Variants in KCNMA1 observed in about 807,000 individuals in gnomAD.
KCNMA1 encodes potassium calcium-activated channel subfamily M alpha 1, also known as Calcium-activated potassium channel subunit alpha-1.
A neutral mutation model predicts 140.0 loss-of-function variants in KCNMA1; 29 were observed. That is an observed-to-expected ratio of 0.21 (90% CI 0.15 to 0.28). The LOEUF (loss-of-function observed/expected upper bound fraction) is 0.28, where lower values mean the gene tolerates loss of function less well. KCNMA1 is among the 10% of genes least tolerant of loss of function. The pLI, the probability that KCNMA1 is intolerant of heterozygous loss-of-function variation, is 1.00. For missense variants in KCNMA1, 880 were observed against 1,602.2 expected (o/e 0.55, Z 7.70); for synonymous variants, 612 against 611.9 (o/e 1.00, Z 0.00).
At chr10:76,995,350 A>G (rs2083936194) in intron 19 of KCNMA1, 2 of 318,328 alleles carry the variant, frequency 6.3e-6, no homozygotes, top group Admixed American at 4.3e-5. Context: ...CCAGACCCAT[A>G]AAGCCTAAGG....
intron 3 of KCNMA1, among the ~76,000 whole-genome samples, chr10:77,205,687 A>C (rs1364193291): frequency 6.6e-6 from 1 of 152,204 alleles, no homozygotes; most frequent in African/African-American, 2.4e-5. Flanking sequence ...CATCTGAACC[A>C]AGTATTTAAA....
At chr10:77,478,102 G>C (rs2098314479) in intron 1 of KCNMA1, among the ~76,000 whole-genome samples, 1 of 152,106 alleles carries the variant, frequency 6.6e-6, no homozygotes, top group Non-Finnish European at 1.5e-5. Flanking sequence ...TGCATTCTCT[G>C]AGTTTATTAT....
intron 1 of KCNMA1, among the ~76,000 whole-genome samples, chr10:77,618,178 G>A (rs2090217933): frequency 6.6e-6 from 1 of 152,064 alleles, no homozygotes; most frequent in Non-Finnish European, 1.5e-5. Context: ...AAGGAGCCGG[G>A]GTCTTTAATG....
intron 1 of KCNMA1, among the ~76,000 whole-genome samples, chr10:77,606,673 G>T (rs7912978): frequency 6.6e-6 from 1 of 152,054 alleles, no homozygotes; most frequent in Admixed American, 6.5e-5. Flanking sequence ...GGCAGTGCCC[G>T]TCTTCCTAAG....
chr10:77,396,484 C>T (rs1334660141), intron 2 of KCNMA1, among the ~76,000 whole-genome samples: 2 of 152,068 alleles, frequency 1.3e-5, no homozygotes, highest in Non-Finnish European at 2.9e-5. Context: ...ATGTGTGTGC[C>T]CATGTGTACT....
intron 14 of KCNMA1, among the ~76,000 whole-genome samples, chr10:77,052,035 G>A (rs977952702): frequency 5.3e-5 from 8 of 152,178 alleles, no homozygotes; most frequent in Admixed American, 5.2e-4. Context: ...TAGTGATGAT[G>A]CTGATGATGC....
intron 5 of KCNMA1, among the ~76,000 whole-genome samples, chr10:77,163,101 T>A (rs1357266004): frequency 6.6e-6 from 1 of 152,220 alleles, no homozygotes; most frequent in Admixed American, 6.5e-5. Flanking sequence ...ATCTTCCTCC[T>A]ATAGCAGGGG....
At chr10:77,497,735 T>A (rs370834846) in intron 1 of KCNMA1, among the ~76,000 whole-genome samples, 8 of 152,208 alleles carry the variant, frequency 5.3e-5, no homozygotes, top group Admixed American at 3.9e-4. Flanking sequence ...TCAAATCCAG[T>A]GCTCCCAGTC....
rs148660869 is a variant in KCNMA1 at position 76,898,389 on chromosome 10, C to T, written c.3148-6670G>A. 2.9e-3 allele frequency among the ~76,000 whole-genome samples: 435 copies of T among 151,678 alleles called. 3 individuals carry two copies. Among genetic ancestry groups the T allele is most frequent in the African/African-American group, 0.01 (419 of 41,458 alleles). ...GAATAAATCTGGACTAAGGGTAATA[C>T]GTGAAATATTCCCACTATCACTGTT... is the stretch of plus-strand genomic sequence containing the variant. On this transcript the variant is annotated intron_variant, in intron 25 of 27. Transcript: ENST00000286628.
At chr10:77,032,734 C>T (rs1247760) in intron 15 of KCNMA1, among the ~76,000 whole-genome samples, 110,081 of 149,904 alleles carry the variant, frequency 0.73, 40,662 homozygotes, top group Admixed American at 0.79. Context: ...CCCAACCCCC[C>T]TTTTTTTTTT....
rs1159732061 is a variant in KCNMA1 at position 76,885,003 on chromosome 10, T to G, written c.*2263A>C. The stretch of plus-strand genomic sequence containing the variant: ...AATTGTCATACCTTGGCCCATTCTA[T>G]TCATCCTTGTTGCACTTTAGAGAGA... On this transcript the variant is annotated 3_prime_UTR_variant, in exon 28 of 28. Transcript: ENST00000286628. 6.5e-7 allele frequency: 1 copy of G among 1,548,712 alleles called. No individual in the cohort carries two copies. The highest frequency in any genetic ancestry group is 1.4e-5 in the African/African-American group (1 of 72,922).
intron 2 of KCNMA1, among the ~76,000 whole-genome samples, chr10:77,280,538 A>G (rs144920591): frequency 6.6e-6 from 1 of 152,194 alleles, no homozygotes; most frequent in Non-Finnish European, 1.5e-5. Flanking sequence ...TTTCTTCAAG[A>G]CAGGGTCTTG....
At chr10:77,242,104 C>T (rs990876882) in intron 3 of KCNMA1, among the ~76,000 whole-genome samples, 3 of 152,062 alleles carry the variant, frequency 2.0e-5, no homozygotes, top group African/African-American at 7.2e-5. Flanking sequence ...GTGGCAAGTT[C>T]GTAACAAGAC....
intron 1 of KCNMA1, among the ~76,000 whole-genome samples, chr10:77,443,193 AG>A (rs1342603522): frequency 1.3e-5 from 2 of 152,068 alleles, no homozygotes; most frequent in East Asian, 3.9e-4. Flanking sequence ...TGTCCCTCCC[AG>A]GGGCCTACAT....
At chr10:77,074,607 A>G (rs1365085710) in intron 13 of KCNMA1, among the ~76,000 whole-genome samples, 3 of 152,232 alleles carry the variant, frequency 2.0e-5, no homozygotes. Flanking sequence ...TAGAAGCCAG[A>G]ATTAAGACTG....
chr10:77,520,995 G>C (rs1390039967), intron 1 of KCNMA1, among the ~76,000 whole-genome samples: 1 of 152,210 alleles, frequency 6.6e-6, no homozygotes, highest in African/African-American at 2.4e-5. Context: ...GTTATTCCCT[G>C]AAAGGCCAAG....
intron 14 of KCNMA1, among the ~76,000 whole-genome samples, chr10:77,070,994 C>T (rs991244613): frequency 3.3e-5 from 5 of 152,156 alleles, no homozygotes; most frequent in South Asian, 2.1e-4. Context: ...TCCAAACAGG[C>T]GGGAATTGGC....
In KCNMA1 at chr10:77,110,848, C is replaced by T. The variant is rs376521817; in HGVS notation, c.961-505G>A. 9.7e-4 allele frequency among the ~76,000 whole-genome samples: 148 copies of T among 152,306 alleles called. 3 individuals carry two copies. In the South Asian group the frequency reaches 0.029, roughly 30 times the overall value. ...ATCCAAAGAGTATATATGGGCCCTG[C>T]TTATTTCTGATTCAAACAGCATCTC... On this transcript the variant is annotated intron_variant, in intron 7 of 27. Transcript: ENST00000286628.
chr10:76,890,951 A>G lies in KCNMA1; in HGVS notation c.3342+574T>C, dbSNP rs534066328. 9.5e-4 allele frequency among the ~76,000 whole-genome samples: 145 copies of G among 152,334 alleles called. 2 individuals carry two copies. In the Middle Eastern group the frequency reaches 0.017, roughly 18 times the overall value. ...TTGTTTGGCCGGTGGTTCTGGATAC[A>G]TCTGACTACTGACTACCCTGGTGCT... On this transcript the variant is annotated intron_variant, in intron 26 of 27. Transcript: ENST00000286628.
Sources: allele counts gnomAD v4.1 joint callset (sites outside exome capture counted in the v4.1 genomes callset), GRCh38; gene constraint gnomAD v4.1.1; transcripts MANE v1.5; gene names NCBI Gene and HGNC (gene_info 2026-07-23, HGNC 2026-07-21).